CLTB: variants seen among roughly 807,000 people sequenced by gnomAD.
CLTB encodes the protein clathrin, light chain (Lcb).
Under a neutral mutation model 30.5 loss-of-function variants are expected in CLTB, and 10 were observed. The observed-to-expected ratio is 0.33, with a 90% CI of 0.20 to 0.56. The LOEUF (loss-of-function observed/expected upper bound fraction) is 0.56, where lower values mean the gene tolerates loss of function less well. Among genes scored for constraint, CLTB ranks in the 20% least tolerant of loss-of-function variants. CLTB has a pLI of 0.91. For missense variants in CLTB, 261 were observed against 308.3 expected (o/e 0.85, Z 1.15); for synonymous variants, 102 against 120.3 (o/e 0.85, Z 1.00).
chr5:176,399,298 T>C (rs1275512676), intron 2 of CLTB, among the ~76,000 whole-genome samples: 1 of 152,208 alleles, frequency 6.6e-6, no homozygotes, highest in Non-Finnish European at 1.5e-5. Context: ...CCCTGAGATA[T>C]GCAGCATGAT....
chr5:176,412,914 T>G lies in CLTB; in HGVS notation c.188-2611A>C, dbSNP rs1472111053. On this transcript the variant is annotated intron_variant, in intron 1 of 5. Coordinates refer to ENST00000310418, the MANE Select transcript of CLTB (RefSeq NM_007097.5). Reference sequence around the variant, plus strand: ...CGTTACCAGGGTCTATTCCCTGTGATGCCGGTCTGTACATTTGGCCTTCTC... The same window carrying G: ...CGTTACCAGGGTCTATTCCCTGTGAGGCCGGTCTGTACATTTGGCCTTCTC... Among the ~76,000 whole-genome samples, 6 of 152,270 alleles carry G rather than the reference T, an allele frequency of 3.9e-5. No homozygotes were observed. In the East Asian group the frequency reaches 1.2e-3, roughly 29 times the overall value.
chr5:176,408,102 A>T (rs1581442233), intron 2 of CLTB, among the ~76,000 whole-genome samples: 1 of 152,072 alleles, frequency 6.6e-6, no homozygotes, highest in East Asian at 1.9e-4. Flanking sequence ...GGACTATTGC[A>T]TGCCTCTGTG....
intron 2 of CLTB, among the ~76,000 whole-genome samples, chr5:176,408,467 C>T (rs1448782517): frequency 6.7e-6 from 1 of 149,032 alleles, no homozygotes; most frequent in Non-Finnish European, 1.5e-5. Context: ...ACTCAGGAGG[C>T]GGAGGCTGCA....
intron 4 of CLTB, 34 bp downstream of exon 4, chr5:176,397,545 TCATGTCCCCACAGCCCCCCTCATGTCCC>T: frequency 1.1e-5 from 1 of 89,842 alleles, no homozygotes. Context: ...CACGGCCCCC[TCATGTCCCCACAGCCCCCCTCATGTCCC>T]CATGGCCCCC....
chr5:176,411,463 T>C (rs1286666488), intron 1 of CLTB, among the ~76,000 whole-genome samples: 1 of 152,224 alleles, frequency 6.6e-6, no homozygotes, highest in East Asian at 1.9e-4. Flanking sequence ...TCCCTTCAGC[T>C]TCTGCTCAAA....
In CLTB at chr5:176,416,305, T is replaced by C. The variant is rs377687715; in HGVS notation, c.59A>G (p.Glu20Gly). The C allele has an allele frequency of 1.9e-5, 30 of 1,604,434 alleles. No individual in the cohort carries two copies. Among genetic ancestry groups the C allele is most frequent in the Non-Finnish European group, 2.5e-5 (29 of 1,176,984 alleles). ...SSESGAPEAA[E>G]EDPAAAFLAQ... ...CAGGAAGGCGGCCGCCGGGTCCTCC[T>C]CCGCCGCCTCCGGGGCACCGCTCTC... The change falls in exon 1 of 6, where the codon GAG becomes GGG. Residue 20 changes from glutamate (E) to glycine (G), a missense_variant. Around this residue, in one of 3 missense-constraint regions of CLTB, gnomAD observed 113 missense variants for 102.5 expected, o/e 1.10. Transcript: ENST00000310418.
At chr5:176,398,865 T>G (rs1210382960) in intron 2 of CLTB, among the ~76,000 whole-genome samples, 1 of 151,960 alleles carries the variant, frequency 6.6e-6, no homozygotes. Flanking sequence ...TTTTTTGAGA[T>G]GGAGTGTCCC....
At chr5:176,415,956 G>A (rs1458325837) in intron 1 of CLTB, among the ~76,000 whole-genome samples, 5 of 152,150 alleles carry the variant, frequency 3.3e-5, no homozygotes, top group African/African-American at 1.2e-4. Flanking sequence ...TGTCATGACC[G>A]AATTCCTGTC....
intron 1 of CLTB, among the ~76,000 whole-genome samples, chr5:176,412,432 C>T (rs1051530332): frequency 7.2e-5 from 11 of 152,240 alleles, no homozygotes; most frequent in South Asian, 2.1e-4. Context: ...GGCTCCAGCA[C>T]GGAATGGGTG....
At position 176,416,446 on chromosome 5, in the gene CLTB, T is replaced by C. The variant is rs1449880765; in HGVS notation, c.-83A>G. The C allele has an allele frequency of 8.5e-7, 1 of 1,175,300 alleles. No individual in the cohort carries two copies. Among genetic ancestry groups the C allele is most frequent in the Non-Finnish European group, 1.1e-6 (1 of 944,110 alleles). The allele number at this position is 1,175,300 out of a possible 1,614,324, so 72.8% of individuals were successfully genotyped here. A position where few individuals can be genotyped will look rare whatever the true frequency, so the allele number is the denominator to read the frequency against. ...GCGCTGCGTCCGGCGGCCGCGACGC[T>C]GTCACCCGAGCCGCGGGGGAGCCGG... is the stretch of plus-strand genomic sequence containing the variant. On this transcript the variant is annotated 5_prime_UTR_variant, in exon 1 of 6. Transcript: ENST00000310418.
intron 2 of CLTB, among the ~76,000 whole-genome samples, chr5:176,404,738 T>C (rs1368404324): frequency 6.6e-6 from 1 of 152,194 alleles, no homozygotes; most frequent in East Asian, 1.9e-4. Context: ...CTTTGGCCTC[T>C]CCTGGCACGT....
intron 2 of CLTB, among the ~76,000 whole-genome samples, chr5:176,402,573 C>T (rs1223384725): frequency 6.6e-6 from 1 of 152,194 alleles, no homozygotes; most frequent in Non-Finnish European, 1.5e-5. Context: ...TTTTCTGTGT[C>T]CTCCCCCTTC....
At position 176,392,517 on chromosome 5, in the gene CLTB, T is replaced by TA; in HGVS notation, c.*256dup. ...TAAAAAGAGTCAACAACACACCCTTTAAGCCAAGAAAAAAAATACATCAGG... is the reference window on the plus strand; with the variant it reads ...TAAAAAGAGTCAACAACACACCCTTTAAAGCCAAGAAAAAAAATACATCAGG... On this transcript the variant is annotated 3_prime_UTR_variant, in exon 6 of 6. Coordinates refer to ENST00000310418, the MANE Select transcript of CLTB (RefSeq NM_007097.5). This position sits in a 1 kb window ranked among gnomAD's most constrained non-coding sequence, Gnocchi z 5.2. The TA allele has an allele frequency of 2.0e-6, 1 of 503,332 alleles. No homozygotes were observed. Among genetic ancestry groups the TA allele is most frequent in the Non-Finnish European group, 3.6e-6 (1 of 281,248 alleles). The allele number at this position is 503,332 out of a possible 1,614,324, so 31.2% of individuals were successfully genotyped here.
chr5:176,403,077 T>A (rs1295027989), intron 2 of CLTB, among the ~76,000 whole-genome samples: 2 of 138,902 alleles, frequency 1.4e-5, no homozygotes, highest in Non-Finnish European at 3.1e-5. Context: ...TGAGGCGGAG[T>A]CTCGCTCTGT....
intron 5 of CLTB, among the ~76,000 whole-genome samples, chr5:176,394,451 C>T (rs930043221): frequency 1.3e-5 from 2 of 152,144 alleles, no homozygotes; most frequent in East Asian, 1.9e-4. Context: ...GCGGGTGGAT[C>T]ACTTGAGGTC....
intron 2 of CLTB, chr5:176,406,264 A>T: frequency 1.9e-6 from 2 of 1,031,610 alleles, no homozygotes; most frequent in Non-Finnish European, 2.3e-6. Flanking sequence ...CTGGAGAGAG[A>T]AAGGGGCAGG....
At chr5:176,395,917 C>T (rs543929925) in intron 5 of CLTB, among the ~76,000 whole-genome samples, 14 of 152,198 alleles carry the variant, frequency 9.2e-5, no homozygotes, top group African/African-American at 2.6e-4. Context: ...GGTGGATCAC[C>T]TGAGGTCAGG....
chr5:176,414,377 C>A (rs903362059), intron 1 of CLTB, among the ~76,000 whole-genome samples: 2 of 152,094 alleles, frequency 1.3e-5, no homozygotes, highest in Non-Finnish European at 2.9e-5. Flanking sequence ...GCAAAAGACC[C>A]CATGCTTCTC....
At chr5:176,411,052 G>A (rs188660686) in intron 1 of CLTB, among the ~76,000 whole-genome samples, 17 of 152,330 alleles carry the variant, frequency 1.1e-4, no homozygotes, top group East Asian at 7.7e-4. Flanking sequence ...TGCTTTGCCC[G>A]CTAGGGGCAA....
Sources: gnomAD v4.1 joint callset for allele counts (sites outside exome capture counted in the v4.1 genomes callset) on GRCh38, gnomAD v4.1.1 for gene constraint, gnomAD v4.1.1 regional missense constraint, Gnocchi (gnomAD v3.1) non-coding constraint, MANE v1.5 for transcripts, NCBI Gene and HGNC (gene_info 2026-07-23, HGNC 2026-07-21) for gene names.